Variants in DNAJC1 observed in about 807,000 individuals in gnomAD.
DNAJC1 encodes the protein dnaJ homolog subfamily C member 1.
Under a neutral mutation model 76.6 loss-of-function variants are expected in DNAJC1, and 58 were observed. The ratio of observed to expected loss-of-function variants is 0.76; its 90% CI spans 0.61 to 0.94. The LOEUF (loss-of-function observed/expected upper bound fraction) is 0.94. Ranked by LOEUF, DNAJC1 falls within the 40% of genes least tolerant of loss-of-function variation. The probability of loss-of-function intolerance (pLI) is 0.00; values close to 1 mark genes in which losing one functional copy is unlikely to be tolerated. For missense variants in DNAJC1, 689 were observed against 677.3 expected, an observed-to-expected ratio of 1.02 and a Z score of -0.19; for synonymous variants, 258 against 267.9, an observed-to-expected ratio of 0.96 and a Z score of 0.36.
intron 5 of DNAJC1, 37 bp downstream of exon 5, chr10:21,919,795 C>T (rs1481462801): frequency 7.0e-7 from 1 of 1,424,018 alleles, no homozygotes; most frequent in Admixed American, 2.0e-5. Flanking sequence ...TATTTTAAAA[C>T]AGCTTCAAAT....
chr10:21,871,862 T>C (rs186212695), intron 8 of DNAJC1, among the ~76,000 whole-genome samples: 1 of 151,948 alleles, frequency 6.6e-6, no homozygotes, highest in Admixed American at 6.6e-5. Context: ...CTGGAGCTCC[T>C]GGCCTCGAGT....
intron 1 of DNAJC1, among the ~76,000 whole-genome samples, chr10:21,970,890 C>T (rs1837966086): frequency 6.6e-6 from 1 of 151,688 alleles, no homozygotes; most frequent in African/African-American, 2.4e-5. Context: ...TGAAATATAC[C>T]TTCTAAACTT....
chr10:21,951,096 C>A (rs929940518), intron 1 of DNAJC1, among the ~76,000 whole-genome samples: 5 of 152,016 alleles, frequency 3.3e-5, no homozygotes, highest in African/African-American at 1.2e-4. Context: ...CCAAGGCAGG[C>A]GGATCACAAA....
chr10:21,847,364 GATGC>G (rs1273610558), intron 8 of DNAJC1, among the ~76,000 whole-genome samples: 2 of 152,046 alleles, frequency 1.3e-5, no homozygotes, highest in Admixed American at 1.3e-4. Flanking sequence ...GTGATATTTT[GATGC>G]ATGCATACAT....
At chr10:21,902,217 T>A (rs1756151315) in intron 7 of DNAJC1, among the ~76,000 whole-genome samples, 2 of 152,258 alleles carry the variant, frequency 1.3e-5, no homozygotes, top group African/African-American at 2.4e-5. Context: ...AAGCTAGTGA[T>A]GAATTTTCAA....
intron 1 of DNAJC1, among the ~76,000 whole-genome samples, chr10:21,937,923 T>A (rs891149364): frequency 6.6e-6 from 1 of 152,154 alleles, no homozygotes; most frequent in African/African-American, 2.4e-5. Flanking sequence ...GCCATTATGT[T>A]GTCTCTAAGA....
intron 8 of DNAJC1, among the ~76,000 whole-genome samples, chr10:21,837,173 G>T (rs916960855): frequency 1.3e-5 from 2 of 151,922 alleles, no homozygotes; most frequent in Non-Finnish European, 2.9e-5. Context: ...TCGGCCTCCC[G>T]AGGTGCCGGG....
chr10:21,917,113 C>A (rs1430000014), intron 6 of DNAJC1, among the ~76,000 whole-genome samples: 1 of 151,912 alleles, frequency 6.6e-6, no homozygotes, highest in East Asian at 1.9e-4. Flanking sequence ...CTTTAAAATT[C>A]AAAGTGATCA....
At chr10:21,962,243 C>T (rs765782000) in intron 1 of DNAJC1, among the ~76,000 whole-genome samples, 3 of 151,988 alleles carry the variant, frequency 2.0e-5, no homozygotes, top group Non-Finnish European at 4.4e-5. Flanking sequence ...TGCTGTGCCC[C>T]TAAAACAGTG....
At chr10:21,927,949 C>T (rs1472388531) in intron 3 of DNAJC1, among the ~76,000 whole-genome samples, 2 of 151,944 alleles carry the variant, frequency 1.3e-5, no homozygotes, top group African/African-American at 2.4e-5. Flanking sequence ...GCAGAATTGC[C>T]GGAGCAGAGT....
intron 7 of DNAJC1, among the ~76,000 whole-genome samples, chr10:21,882,651 T>C (rs966741496): frequency 2.6e-5 from 4 of 152,226 alleles, no homozygotes; most frequent in Non-Finnish European, 5.9e-5. Flanking sequence ...GATCATGAGA[T>C]AGCCATCATA....
chr10:21,815,536 G>C lies in DNAJC1; in HGVS notation c.979-9437C>G, dbSNP rs1835060828. Among the ~76,000 whole-genome samples the C allele has an allele frequency of 2.0e-5, 3 of 152,124 alleles. No individual in the cohort carries two copies. The South Asian group carries it at 6.2e-4, about 31-fold the overall frequency. On this transcript the variant is annotated intron_variant, in intron 8 of 11. Coordinates refer to ENST00000376980, the MANE Select transcript of DNAJC1 (RefSeq NM_022365.4). ...CTACCAGCAGTATCTATGAAACTAG[G>C]GAAGGCTTAGTCCATATATAGCATG... is the stretch of plus-strand genomic sequence containing the variant.
rs532523126 is a variant in DNAJC1, at chr10:21,900,422, T to C, written c.820+4100A>G. Among the ~76,000 whole-genome samples the C allele has an allele frequency of 1.1e-4, 16 of 152,062 alleles. No individual in the cohort carries two copies. In the South Asian group the frequency reaches 3.1e-3, roughly 30 times the overall value. On this transcript the variant is annotated intron_variant, in intron 7 of 11. Coordinates refer to ENST00000376980, the MANE Select transcript of DNAJC1 (RefSeq NM_022365.4). The stretch of plus-strand genomic sequence containing the variant: ...TAGCCATAAACACTTATATATTCAA[T>C]TGGATAAAAATTTTCTGAATCATTG...
intron 3 of DNAJC1, among the ~76,000 whole-genome samples, chr10:21,926,310 A>G (rs1450549816): frequency 6.7e-6 from 1 of 148,290 alleles, no homozygotes; most frequent in Non-Finnish European, 1.5e-5. Context: ...TAATTTATCA[A>G]TTTAACTGCT....
chr10:21,882,157 C>G (rs1836292079), intron 8 of DNAJC1, 125 bp downstream of exon 8: 1 of 949,890 alleles, frequency 1.1e-6, no homozygotes, highest in Non-Finnish European at 1.5e-6. Context: ...CTGTCTCAAA[C>G]AAAACAAAAC....
chr10:21,964,622 G>A (rs1837858226), intron 1 of DNAJC1, among the ~76,000 whole-genome samples: 5 of 150,772 alleles, frequency 3.3e-5, no homozygotes, highest in African/African-American at 9.7e-5. Context: ...ACTATTCAAC[G>A]TTACATCTCA....
intron 8 of DNAJC1, among the ~76,000 whole-genome samples, chr10:21,811,597 A>G (rs1339651568): frequency 6.6e-6 from 1 of 152,192 alleles, no homozygotes; most frequent in African/African-American, 2.4e-5. Context: ...TAAAGAAACT[A>G]TTTTTAAAAA....
chr10:21,856,177 C>A (rs1167957739), intron 8 of DNAJC1, among the ~76,000 whole-genome samples: 1 of 152,046 alleles, frequency 6.6e-6, no homozygotes. Context: ...CAAATTTTCC[C>A]AAGGAACAGT....
Position 21,920,894 on chromosome 10 carries a change from T to C in DNAJC1, c.441A>G (p.Arg147=). 5.0e-6 allele frequency: 8 copies of C among 1,613,200 alleles called. No homozygotes were observed. Among genetic ancestry groups the C allele is most frequent in the Non-Finnish European group, 6.8e-6 (8 of 1,179,358 alleles). The stretch of plus-strand genomic sequence containing the variant: ...ATGCCAGCTCAGCATTGCTCATTTT[T>C]CTCACCCGCCTGTAGTAGAATACAG... ...RQPVFYYRRV[R]KMSNAELALL... is the part of the protein sequence containing the mutation. The change falls in exon 4 of 12, where the codon AGA becomes AGG. Residue 147 remains arginine, a synonymous_variant. Coordinates refer to ENST00000376980, the MANE Select transcript of DNAJC1 (RefSeq NM_022365.4).
Sources: gnomAD v4.1 joint callset for allele counts (sites outside exome capture counted in the v4.1 genomes callset) on GRCh38, gnomAD v4.1.1 for gene constraint, MANE v1.5 for transcripts, NCBI Gene and HGNC (gene_info 2026-07-23, HGNC 2026-07-21) for gene names.